The following CACNA2D1 variants were observed in gnomAD, a reference collection of about 807,000 sequenced individuals.
The protein encoded by CACNA2D1 is calcium voltage-gated channel auxiliary subunit alpha2delta 1.
A neutral mutation model predicts 171.5 loss-of-function variants in CACNA2D1; 53 were observed. That is an observed-to-expected ratio of 0.31 (90% CI 0.25 to 0.39). CACNA2D1 has a LOEUF of 0.39. Ranked by LOEUF, CACNA2D1 falls within the 10% of genes least tolerant of loss-of-function variation. The pLI is 1.00. For missense variants in CACNA2D1, 903 were observed against 1,299.8 expected (o/e 0.69, Z 4.69); for synonymous variants, 442 against 443.1 (o/e 1.00, Z 0.03).
At chr7:82,117,014 T>G (rs1339220805) in intron 6 of CACNA2D1, 30 bp downstream of exon 6, 2 of 1,611,926 alleles carry the variant, frequency 1.2e-6, no homozygotes, top group Non-Finnish European at 1.7e-6. Flanking sequence ...AGCATGGTAT[T>G]CCAACAGATG....
chr7:82,386,077 T>G (rs1022019747), intron 1 of CACNA2D1, among the ~76,000 whole-genome samples: 3 of 152,214 alleles, frequency 2.0e-5, no homozygotes, highest in African/African-American at 7.2e-5. Context: ...TCAAAATATT[T>G]TTGGTTCTTG....
chr7:82,222,447 A>G (rs1311584909), intron 3 of CACNA2D1, among the ~76,000 whole-genome samples: 2 of 152,312 alleles, frequency 1.3e-5, no homozygotes, highest in East Asian at 3.9e-4. Flanking sequence ...AAACAAAACT[A>G]GCTTGTCCTG....
intron 3 of CACNA2D1, among the ~76,000 whole-genome samples, chr7:82,222,895 TTTC>T (rs950268999): frequency 2.7e-5 from 4 of 150,190 alleles, no homozygotes; most frequent in African/African-American, 9.8e-5. Context: ...TTTTTCTTTC[TTTC>T]TTTTTTTTTT....
intron 1 of CACNA2D1, among the ~76,000 whole-genome samples, chr7:82,388,260 T>A (rs1367917169): frequency 1.3e-5 from 2 of 152,202 alleles, no homozygotes; most frequent in Non-Finnish European, 2.9e-5. Context: ...TTTTATTATA[T>A]TTCACAATCA....
At chr7:82,343,390 C>A (rs953586604) in intron 2 of CACNA2D1, among the ~76,000 whole-genome samples, 4 of 152,158 alleles carry the variant, frequency 2.6e-5, no homozygotes, top group Non-Finnish European at 5.9e-5. Flanking sequence ...AAGAAAAGAA[C>A]AAGTGACAAT....
chr7:82,097,067 C>T (rs1563042253), intron 6 of CACNA2D1, among the ~76,000 whole-genome samples: 1 of 151,982 alleles, frequency 6.6e-6, no homozygotes, highest in Admixed American at 6.6e-5. Context: ...AGGTGATAAG[C>T]AGTATTAAAG....
chr7:82,335,499 G>A (rs1288973972), intron 2 of CACNA2D1, among the ~76,000 whole-genome samples: 7 of 152,122 alleles, frequency 4.6e-5, no homozygotes, highest in Non-Finnish European at 7.3e-5. Flanking sequence ...ACAGTGGTTT[G>A]TACATGCAAT....
chr7:82,311,760 G>T (rs1814496507), intron 3 of CACNA2D1, among the ~76,000 whole-genome samples: 2 of 152,140 alleles, frequency 1.3e-5, no homozygotes, highest in South Asian at 4.1e-4. Flanking sequence ...TTTTACCCAG[G>T]CTTTGACTAG....
intron 3 of CACNA2D1, among the ~76,000 whole-genome samples, chr7:82,278,650 C>A (rs1809678503): frequency 6.6e-6 from 1 of 151,326 alleles, no homozygotes. Flanking sequence ...AAAATGGTTA[C>A]CAAGTCTGTT....
At position 82,014,258 on chromosome 7, in the gene CACNA2D1, A is replaced by T. The variant is rs1800149449; in HGVS notation, c.1222+143T>A. 8 of 620,662 alleles carry T rather than the reference A, an allele frequency of 1.3e-5. No individual in the cohort carries two copies. The South Asian group carries it at 1.3e-4, about 10-fold the overall frequency. The allele number at this position is 620,662 out of a possible 1,614,324, so 38.4% of individuals were successfully genotyped here. A position where few individuals can be genotyped will look rare whatever the true frequency, so the allele number is the denominator to read the frequency against. ...GTCAAAATTGGTATGTGTTTTCTCT[A>T]TAAAAACATGTTCAGAATCTTACTC... On this transcript the variant is annotated intron_variant, in intron 13 of 38. Transcript: ENST00000356860.
chr7:81,953,006 C>T (rs1017781930), intron 38 of CACNA2D1, among the ~76,000 whole-genome samples: 1 of 152,050 alleles, frequency 6.6e-6, no homozygotes, highest in African/African-American at 2.4e-5. Flanking sequence ...CCTCCCACCT[C>T]AGCCTCCCAA....
chr7:82,023,020 G>C (rs1314159021), intron 12 of CACNA2D1, among the ~76,000 whole-genome samples: 1 of 151,806 alleles, frequency 6.6e-6, no homozygotes, highest in African/African-American at 2.4e-5. Flanking sequence ...GCAATCTTAA[G>C]TATGTATTGC....
chr7:82,136,074 T>G (rs60231878), intron 5 of CACNA2D1, among the ~76,000 whole-genome samples: 1 of 152,130 alleles, frequency 6.6e-6, no homozygotes, highest in African/African-American at 2.4e-5. Context: ...AGTAACTGAT[T>G]AGCACTAAAA....
intron 1 of CACNA2D1, among the ~76,000 whole-genome samples, chr7:82,380,993 C>T (rs1050456034): frequency 6.6e-6 from 1 of 151,866 alleles, no homozygotes; most frequent in Non-Finnish European, 1.5e-5. Flanking sequence ...CTGCGCCCGG[C>T]CACATTTATT....
intron 4 of CACNA2D1, among the ~76,000 whole-genome samples, chr7:82,150,700 G>A (rs1793768134): frequency 6.6e-6 from 1 of 151,956 alleles, no homozygotes; most frequent in Non-Finnish European, 1.5e-5. Flanking sequence ...ATCAATTGCT[G>A]CTCTCTTTCA....
intron 12 of CACNA2D1, among the ~76,000 whole-genome samples, chr7:82,016,142 T>C (rs1208097893): frequency 6.6e-6 from 1 of 152,188 alleles, no homozygotes; most frequent in Non-Finnish European, 1.5e-5. Context: ...ATCAGTTAGG[T>C]CATTTTTGGG....
intron 1 of CACNA2D1, among the ~76,000 whole-genome samples, chr7:82,415,529 T>TA (rs925103628): frequency 1.4e-3 from 214 of 148,460 alleles, no homozygotes; most frequent in Non-Finnish European, 2.2e-3. Context: ...AAACTCCATC[T>TA]AAAAAAAAAC....
At chr7:81,970,471 C>G (rs1795154728) in intron 27 of CACNA2D1, among the ~76,000 whole-genome samples, 1 of 151,370 alleles carries the variant, frequency 6.6e-6, no homozygotes, top group African/African-American at 2.4e-5. Context: ...ATTTGGCAAG[C>G]AAAAACATCA....
chr7:82,387,543 T>A (rs1824547850), intron 1 of CACNA2D1, among the ~76,000 whole-genome samples: 1 of 152,164 alleles, frequency 6.6e-6, no homozygotes, highest in East Asian at 1.9e-4. Context: ...CCAAGGGTGA[T>A]AAATTTTATT....
Sources: gnomAD v4.1 joint callset for allele counts (sites outside exome capture counted in the v4.1 genomes callset) on GRCh38, gnomAD v4.1.1 for gene constraint, MANE v1.5 for transcripts, NCBI Gene and HGNC (gene_info 2026-07-23, HGNC 2026-07-21) for gene names.